The following TNKS1BP1 variants were observed in gnomAD, a reference collection of about 807,000 sequenced individuals.
The protein encoded by TNKS1BP1 is 182 kDa tankyrase-1-binding protein.
A neutral mutation model predicts 141.1 loss-of-function variants in TNKS1BP1; 48 were observed. That is an observed-to-expected ratio of 0.34 (90% CI 0.27 to 0.43). TNKS1BP1 has a LOEUF of 0.43. Among genes scored for constraint, TNKS1BP1 ranks in the 20% least tolerant of loss-of-function variants. TNKS1BP1 has a pLI of 1.00. For missense variants in TNKS1BP1, 2,149 were observed against 2,226.0 expected (o/e 0.97, Z 0.70); for synonymous variants, 875 against 898.2 (o/e 0.97, Z 0.46).
intron 6 of TNKS1BP1, among the ~76,000 whole-genome samples, chr11:57,304,557 G>A (rs1855578239): frequency 6.6e-6 from 1 of 152,176 alleles, no homozygotes; most frequent in Non-Finnish European, 1.5e-5. Context: ...GGCAAAAGAA[G>A]GCTAAGGGCA....
chr11:57,302,281 T>C lies in TNKS1BP1; in HGVS notation c.4684-57A>G, dbSNP rs1855536850. 2 of 1,571,352 alleles carry C rather than the reference T, an allele frequency of 1.3e-6. No homozygotes were observed. The highest frequency in any genetic ancestry group is 8.6e-7 in the Non-Finnish European group (1 of 1,156,326). On this transcript the variant is annotated intron_variant, in intron 7 of 11. Transcript: ENST00000358252. The surrounding 1 kb of genome is among the most constrained non-coding windows in gnomAD (Gnocchi z 5.5). Reference sequence around the variant, plus strand: ...TGCTGCCTCATCCCACGGGAGCCCCTCAACAGTAGCTGACCAGGAGCTGGA... The same window carrying C: ...TGCTGCCTCATCCCACGGGAGCCCCCCAACAGTAGCTGACCAGGAGCTGGA...
chr11:57,310,365 T>C lies in TNKS1BP1; in HGVS notation c.2346A>G (p.Ala782=). The change falls in exon 6 of 12, where the codon GCA becomes GCG. Residue 782 remains alanine, a synonymous_variant. Transcript: ENST00000358252. ...RDWTSKYGQG[A]GEGSTREWAS... is the part of the protein sequence containing the mutation. ...CCCACTCCCTGGTGCTCCCTTCCCCTGCTCCTTGCCCATACTTGCTGGTCC... is the reference window on the plus strand; with the variant it reads ...CCCACTCCCTGGTGCTCCCTTCCCCCGCTCCTTGCCCATACTTGCTGGTCC... The C allele has an allele frequency of 6.2e-7, 1 of 1,614,094 alleles. No individual in the cohort carries two copies. Among genetic ancestry groups the C allele is most frequent in the Non-Finnish European group, 8.5e-7 (1 of 1,180,034 alleles).
rs1401629272 is a variant in TNKS1BP1, at chr11:57,313,253, T to C, written c.1435A>G (p.Thr479Ala). Residue 479 changes from threonine (T) to alanine (A), a missense_variant, in exon 5 of 12, where the codon ACC (threonine) becomes GCC (alanine). By Grantham distance (58) the Thr-to-Ala change is moderately conservative (BLOSUM62 0). Coordinates refer to ENST00000358252, the MANE Select transcript of TNKS1BP1 (RefSeq NM_033396.3). ...NWSLSQSFEW[T>A]FPTRPSGLGV... ...AGACCCGAGGGCCTCGTGGGGAAGGTCCATTCGAAGGACTGTGATAAGCTC... is the reference window on the plus strand; with the variant it reads ...AGACCCGAGGGCCTCGTGGGGAAGGCCCATTCGAAGGACTGTGATAAGCTC... 6.2e-7 allele frequency: 1 copy of C among 1,612,618 alleles called. No homozygotes were observed. The highest frequency in any genetic ancestry group is 1.7e-5 in the Admixed American group (1 of 59,986).
Position 57,320,173 on chromosome 11 carries a change from C to T in TNKS1BP1, c.634G>A (p.Asp212Asn), listed in dbSNP as rs1158993344. The change falls in exon 3 of 12, where the codon GAT (aspartate) becomes AAT (asparagine). Residue 212 changes from aspartate to asparagine, a missense_variant. Transcript: ENST00000358252. ...CATCCCCTGAAGAGGGTGCTGCCAT[C>T]CTCATCCCTGGGAGCAGTGGTCGTG... ...YGTTTAPRDE[D>N]GSTLFRGWSQ... The T allele has an allele frequency of 6.2e-7, 1 of 1,614,088 alleles. No homozygotes were observed. Among genetic ancestry groups the T allele is most frequent in the East Asian group, 2.2e-5 (1 of 44,898 alleles).
At chr11:57,313,959 C>A in intron 4 of TNKS1BP1, 70 bp from the exon 5 acceptor site, 1 of 1,382,570 alleles carries the variant, frequency 7.2e-7, no homozygotes, top group Non-Finnish European at 9.4e-7. Context: ...CCCTCCGACC[C>A]CACACAGACC....
intron 6 of TNKS1BP1, among the ~76,000 whole-genome samples, chr11:57,308,114 C>T (rs971387563): frequency 2.0e-5 from 3 of 152,194 alleles, no homozygotes; most frequent in Non-Finnish European, 4.4e-5. Context: ...TGACATGCAC[C>T]ATTTCCCCCG....
At chr11:57,320,740 A>T in intron 2 of TNKS1BP1, 28 bp from the exon 3 acceptor site, 1 of 1,522,336 alleles carries the variant, frequency 6.6e-7, no homozygotes, top group Non-Finnish European at 8.8e-7. Flanking sequence ...TTGGTGGGGG[A>T]GCTGTCAGAA....
At chr11:57,315,738 C>T (rs1487887497) in intron 4 of TNKS1BP1, among the ~76,000 whole-genome samples, 1 of 151,468 alleles carries the variant, frequency 6.6e-6, no homozygotes, top group African/African-American at 2.4e-5. Context: ...AGCAGAGAAC[C>T]CCCGACAACC....
rs1855866584 is a variant in TNKS1BP1 at position 57,320,398 on chromosome 11, C to T, written c.409G>A (p.Ala137Thr). Residue 137 changes from alanine (A) to threonine (T), a missense_variant, in exon 3 of 12, where the codon GCA (alanine) becomes ACA (threonine). Physicochemically the swap from Ala to Thr is moderately conservative, Grantham distance 58. Coordinates refer to ENST00000358252, the MANE Select transcript of TNKS1BP1 (RefSeq NM_033396.3). ...PPPLTPPARC[A>T]APGGVRKAPA... ...GCCTTCCGTACACCCCCTGGGGCTG[C>T]ACATCGAGCTGGGGGTGTCAAAGGG... is the stretch of plus-strand genomic sequence containing the variant. The T allele has an allele frequency of 3.1e-6, 5 of 1,612,532 alleles. No individual in the cohort carries two copies. Among genetic ancestry groups the T allele is most frequent in the Non-Finnish European group, 4.2e-6 (5 of 1,178,772 alleles).
chr11:57,315,338 A>C (rs1590591581), intron 4 of TNKS1BP1, among the ~76,000 whole-genome samples: 7 of 137,184 alleles, frequency 5.1e-5, no homozygotes, highest in African/African-American at 8.3e-5. Context: ...ATTGTCCCCC[A>C]CTCCCCTCAT....
chr11:57,315,287 G>A (rs1855781206), intron 4 of TNKS1BP1, among the ~76,000 whole-genome samples: 1 of 150,408 alleles, frequency 6.6e-6, no homozygotes, highest in Admixed American at 6.6e-5. Flanking sequence ...CTTATTTTCA[G>A]CCCCTCTCAT....
intron 5 of TNKS1BP1, chr11:57,311,363 TG>T (rs1855707200): frequency 1.0e-6 from 1 of 985,624 alleles, no homozygotes; most frequent in Non-Finnish European, 1.2e-6. Flanking sequence ...GGCTGGGCCA[TG>T]GCCCCCCGCC....
Position 57,321,809 on chromosome 11 carries a change from G to A in TNKS1BP1, c.77C>T (p.Pro26Leu), listed in dbSNP as rs1590597716. Residue 26 changes from proline (P) to leucine (L), a missense_variant, in exon 2 of 12, where the codon CCT (proline) becomes CTT (leucine). Physicochemically the swap from Pro to Leu is moderately conservative, Grantham distance 98 (BLOSUM62 -3). Coordinates refer to ENST00000358252, the MANE Select transcript of TNKS1BP1 (RefSeq NM_033396.3). ...ATTGGTACCTGGCTCAGAGCCAGTA[G>A]GCACCAGCTCCTCCTCCATCTCCCG... ...LPREMEEELV[P>L]TGSEPGDTRA... 6.2e-7 allele frequency: 1 copy of A among 1,613,730 alleles called. No homozygotes were observed. Among genetic ancestry groups the A allele is most frequent in the Admixed American group, 1.7e-5 (1 of 59,994 alleles).
chr11:57,304,726 C>T (rs961412706), intron 6 of TNKS1BP1, among the ~76,000 whole-genome samples: 4 of 151,476 alleles, frequency 2.6e-5, no homozygotes, highest in South Asian at 4.2e-4. Context: ...AAAAATTAGC[C>T]AGGCATGGTG....
At position 57,320,438 on chromosome 11, in the gene TNKS1BP1, C is replaced by T; in HGVS notation, c.369G>A (p.Gly123=). ...GTGTCAAAGGGGGTGGCTCCTCTTT[C>T]CCAGCCTCCTCTTTCCCAGTCTCTT... ...ATQETGKEEA[G]KEEPPPLTPP... is the part of the protein sequence containing the mutation. The change falls in exon 3 of 12, where the codon GGG becomes GGA. Residue 123 remains glycine, a synonymous_variant. Coordinates refer to ENST00000358252, the MANE Select transcript of TNKS1BP1 (RefSeq NM_033396.3). 7 of 1,608,366 alleles carry T rather than the reference C, an allele frequency of 4.4e-6. No homozygotes were observed. Among genetic ancestry groups the T allele is most frequent in the Non-Finnish European group, 6.0e-6 (7 of 1,176,024 alleles).
In TNKS1BP1 at chr11:57,301,914, C is replaced by T. The variant is rs752661068; in HGVS notation, c.4864G>A (p.Asp1622Asn). Residue 1622 changes from aspartate (D) to asparagine (N), a missense_variant, in exon 9 of 12, where the codon GAT becomes AAT. Coordinates refer to ENST00000358252, the MANE Select transcript of TNKS1BP1 (RefSeq NM_033396.3). ...TGAGGTTCCTCCACTACCTCTTCAT[C>T]TGAAGATGGCACCCGAGATGCCCGT... Reference protein sequence around the residue: ...EPRASRVPSSDEEVVEEPQSR... With the variant: ...EPRASRVPSSNEEVVEEPQSR... 1 of 1,614,092 alleles carries T rather than the reference C, an allele frequency of 6.2e-7. No homozygotes were observed. Among genetic ancestry groups the T allele is most frequent in the Admixed American group, 1.7e-5 (1 of 60,018 alleles).
chr11:57,322,307 G>T, intron 1 of TNKS1BP1: 1 of 999,800 alleles, frequency 1.0e-6, no homozygotes, highest in Non-Finnish European at 1.2e-6. Context: ...CTAGAGAGCT[G>T]CAAAGTATGA....
intron 4 of TNKS1BP1, among the ~76,000 whole-genome samples, 158 bp downstream of exon 4, chr11:57,317,657 CCCA>C (rs1476722945): frequency 4.6e-5 from 7 of 152,240 alleles, no homozygotes; most frequent in African/African-American, 1.7e-4. Context: ...AGAGCACTGG[CCCA>C]GGAGTCGAAA....
rs755003278 is a variant in TNKS1BP1, at chr11:57,301,839, G to C, written c.4939C>G (p.Leu1647Val). 1.9e-6 allele frequency: 3 copies of C among 1,614,058 alleles called. No individual in the cohort carries two copies. Among genetic ancestry groups the C allele is most frequent in the Non-Finnish European group, 2.5e-6 (3 of 1,180,038 alleles). ...SLGTKGLKVN[L>V]FPGLSPSALK... ...GCTGAGGGGCTCAGGCCAGGAAAGA[G>C]GTTGACTTTCAGCCCCTTGGTGCCC... The change falls in exon 9 of 12, where the codon CTC becomes GTC. Residue 1647 changes from leucine (L) to valine (V), a missense_variant. Coordinates refer to ENST00000358252, the MANE Select transcript of TNKS1BP1 (RefSeq NM_033396.3).
Sources: gnomAD v4.1 joint callset for allele counts (sites outside exome capture counted in the v4.1 genomes callset) on GRCh38, gnomAD v4.1.1 for gene constraint, Gnocchi (gnomAD v3.1) non-coding constraint, MANE v1.5 for transcripts, NCBI Gene and HGNC (gene_info 2026-07-23, HGNC 2026-07-21) for gene names.